WWOX: variants seen among roughly 807,000 people sequenced by gnomAD.
The protein encoded by WWOX is WW domain containing oxidoreductase, also known as WW domain-containing oxidoreductase.
Under a neutral mutation model 46.2 loss-of-function variants are expected in WWOX, and 69 were observed. The ratio of observed to expected loss-of-function variants is 1.49; its 90% confidence interval spans 1.23 to 1.82. The LOEUF (loss-of-function observed/expected upper bound fraction) is 1.82, where lower values mean the gene tolerates loss of function less well. Ranked by LOEUF, WWOX falls within the 40% of genes most tolerant of loss-of-function variation. WWOX has a pLI of 0.00. For missense variants in WWOX, 919 were observed against 542.6 expected, an observed-to-expected ratio of 1.69 and a Z score of -6.89; for synonymous variants, 359 against 202.6, an observed-to-expected ratio of 1.77 and a Z score of -6.56.
intron 8 of WWOX, among the ~76,000 whole-genome samples, chr16:78,798,645 C>T (rs1403850629): frequency 3.4e-5 from 5 of 147,154 alleles, no homozygotes; most frequent in African/African-American, 1.0e-4. Flanking sequence ...AGGTTTTTCT[C>T]GAAACATATA....
At position 78,144,437 on chromosome 16, in the gene WWOX, A is replaced by ATATATGTACG. The variant is rs1227849474; in HGVS notation, c.410-19741_410-19740insGTACGTATAT. Among the ~76,000 whole-genome samples, 11 of 19,612 alleles carry ATATATGTACG rather than the reference A, an allele frequency of 5.6e-4. 2 individuals carry two copies. Among genetic ancestry groups the ATATATGTACG allele is most frequent in the Non-Finnish European group, 7.1e-4 (9 of 12,754 alleles). The allele number at this position is 19,612 out of a possible 152,430, so 12.9% of individuals were successfully genotyped here. ...CGTGGTTTTTGCCATTACTATATAT[A>ATATATGTACG]TATATATATACACATATATATATAT... On this transcript the variant is annotated intron_variant, in intron 4 of 8. Transcript: ENST00000566780.
At chr16:78,721,693 G>A (rs559124448) in intron 8 of WWOX, among the ~76,000 whole-genome samples, 8 of 152,318 alleles carry the variant, frequency 5.3e-5, no homozygotes, top group East Asian at 1.9e-4. Context: ...TGAGCCTCTC[G>A]GAAATATTGG....
At chr16:78,410,092 A>T (rs78746370) in intron 6 of WWOX, among the ~76,000 whole-genome samples, 8 of 152,104 alleles carry the variant, frequency 5.3e-5, no homozygotes, top group African/African-American at 1.7e-4. Flanking sequence ...GTGAGTTCAC[A>T]TGATATCTGG....
intron 8 of WWOX, among the ~76,000 whole-genome samples, chr16:78,929,000 T>C (rs888920909): frequency 2.6e-5 from 4 of 152,364 alleles, no homozygotes; most frequent in Admixed American, 6.5e-5. Context: ...TTTCTGTATA[T>C]ATAATATACG....
intron 6 of WWOX, among the ~76,000 whole-genome samples, chr16:78,424,549 G>A (rs985410598): frequency 6.6e-6 from 1 of 152,184 alleles, no homozygotes; most frequent in East Asian, 1.9e-4. Flanking sequence ...TTGAACCTGA[G>A]TTCCAACTAG....
At chr16:78,847,078 G>T (rs775885439) in intron 8 of WWOX, among the ~76,000 whole-genome samples, 1 of 151,994 alleles carries the variant, frequency 6.6e-6, no homozygotes, top group Non-Finnish European at 1.5e-5. Context: ...CTTATTTTTT[G>T]GCACTGTAAG....
rs770896880 is a variant in WWOX, at chr16:79,212,143, C to T, written c.*347C>T. The stretch of plus-strand genomic sequence containing the variant: ...GTTATAGAATAGCCTGAGGTCCCCT[C>T]GTCCCATCCAGCTACCACCACGGCC... On this transcript the variant is annotated 3_prime_UTR_variant, in exon 9 of 9. Transcript: ENST00000566780. 60 of 1,517,962 alleles carry T rather than the reference C, an allele frequency of 4.0e-5. No homozygotes were observed. Among genetic ancestry groups the T allele is most frequent in the Admixed American group, 2.5e-4 (12 of 48,878 alleles). 94.0% of individuals were successfully genotyped at this position (1,517,962 alleles called of 1,614,324 possible).
chr16:78,933,768 C>T (rs956859169), intron 8 of WWOX, among the ~76,000 whole-genome samples: 1 of 152,086 alleles, frequency 6.6e-6, no homozygotes, highest in South Asian at 2.1e-4. Context: ...ACGAGAACAG[C>T]ATGGGAAAAT....
At chr16:78,916,433 A>G (rs1323938269) in intron 8 of WWOX, among the ~76,000 whole-genome samples, 2 of 152,228 alleles carry the variant, frequency 1.3e-5, no homozygotes, top group Non-Finnish European at 2.9e-5. Flanking sequence ...TTCACTGGGT[A>G]TAATTAGCCA....
At chr16:78,542,698 C>T (rs1002704460) in intron 8 of WWOX, among the ~76,000 whole-genome samples, 2 of 152,180 alleles carry the variant, frequency 1.3e-5, no homozygotes, top group Admixed American at 6.6e-5. Flanking sequence ...ATTAAATAGA[C>T]AATTCTTCTA....
intron 8 of WWOX, among the ~76,000 whole-genome samples, chr16:79,028,712 T>A (rs1042275466): frequency 4.0e-5 from 6 of 151,854 alleles, no homozygotes; most frequent in Non-Finnish European, 8.8e-5. Flanking sequence ...TTGAATAAAT[T>A]TACTCTCTAA....
At chr16:78,613,031 T>TC (rs1235597939) in intron 8 of WWOX, among the ~76,000 whole-genome samples, 1 of 152,156 alleles carries the variant, frequency 6.6e-6, no homozygotes, top group Non-Finnish European at 1.5e-5. Context: ...ACTTCTGGGT[T>TC]CCCCAAGAGG....
At chr16:78,943,998 C>T (rs1333875460) in intron 8 of WWOX, among the ~76,000 whole-genome samples, 1 of 152,134 alleles carries the variant, frequency 6.6e-6, no homozygotes, top group African/African-American at 2.4e-5. Context: ...ATTTTAGAAG[C>T]TCATCAAGGA....
chr16:79,184,947 A>T (rs557803945), intron 8 of WWOX, among the ~76,000 whole-genome samples: 26 of 152,314 alleles, frequency 1.7e-4, no homozygotes, highest in Admixed American at 5.2e-4. Flanking sequence ...TTACATTTTA[A>T]AGAGGGATGA....
intron 8 of WWOX, among the ~76,000 whole-genome samples, chr16:79,197,195 A>G (rs1432630596): frequency 1.3e-5 from 2 of 152,120 alleles, no homozygotes; most frequent in Non-Finnish European, 2.9e-5. Flanking sequence ...GTTTGGGTTT[A>G]TACATTCCCA....
chr16:78,537,383 A>C (rs141257845), intron 8 of WWOX, among the ~76,000 whole-genome samples: 1,726 of 152,288 alleles, frequency 0.011, 29 homozygotes, highest in Middle Eastern at 0.044. Context: ...CTTGTCCTAA[A>C]TCACGTGTCT....
chr16:78,828,747 C>A (rs1424374592), intron 8 of WWOX, among the ~76,000 whole-genome samples: 1 of 152,068 alleles, frequency 6.6e-6, no homozygotes, highest in African/African-American at 2.4e-5. Flanking sequence ...GTCCTCCAAC[C>A]CTATAAAGTG....
chr16:79,042,380 C>G (rs1024131821), intron 8 of WWOX, among the ~76,000 whole-genome samples: 4 of 152,196 alleles, frequency 2.6e-5, no homozygotes, highest in Admixed American at 6.5e-5. Flanking sequence ...AGCTGGGTTT[C>G]TTGCCTGATC....
chr16:78,860,922 C>A (rs2043870818), intron 8 of WWOX, among the ~76,000 whole-genome samples: 1 of 152,148 alleles, frequency 6.6e-6, no homozygotes, highest in South Asian at 2.1e-4. Context: ...CCCAGGTGAT[C>A]CTCCCACTTC....
Sources: gnomAD v4.1 joint callset for allele counts (sites outside exome capture counted in the v4.1 genomes callset) on GRCh38, gnomAD v4.1.1 for gene constraint, MANE v1.5 for transcripts, NCBI Gene and HGNC (gene_info 2026-07-23, HGNC 2026-07-21) for gene names.